Variants in ITGA6 observed in about 807,000 individuals in gnomAD.
The protein encoded by ITGA6 is integrin subunit alpha 6.
In ITGA6, 63 loss-of-function variants were observed where a neutral mutation model predicts 133.6. The observed-to-expected ratio is 0.47, with a 90% CI of 0.38 to 0.58. ITGA6 has a LOEUF of 0.58. ITGA6 is among the 20% of genes least tolerant of loss of function. The probability of loss-of-function intolerance (pLI) is 0.00; values close to 1 mark genes in which losing one functional copy is unlikely to be tolerated. For synonymous variants in ITGA6, 434 were observed against 482.0 expected (o/e 0.90, Z 1.30); for missense variants, 1,068 against 1,309.4 (o/e 0.82, Z 2.85).
intron 1 of ITGA6, among the ~76,000 whole-genome samples, chr2:172,429,806 A>G (rs1255858509): frequency 6.6e-6 from 1 of 152,162 alleles, no homozygotes; most frequent in Non-Finnish European, 1.5e-5. Flanking sequence ...AAAGGCAGTG[A>G]CCACACTTTA....
intron 1 of ITGA6, among the ~76,000 whole-genome samples, chr2:172,457,740 G>T (rs1685269729): frequency 6.6e-6 from 1 of 152,146 alleles, no homozygotes; most frequent in Non-Finnish European, 1.5e-5. Context: ...CTGGGGAAAG[G>T]CATCCCCCTT....
intron 5 of ITGA6, among the ~76,000 whole-genome samples, chr2:172,471,649 C>T (rs951649795): frequency 2.6e-5 from 4 of 152,130 alleles, no homozygotes; most frequent in Admixed American, 6.5e-5. Context: ...AGCTTCCCAG[C>T]GGAGGTTGAG....
At chr2:172,480,778 T>C (rs1450954538) in intron 11 of ITGA6, 1 of 152,356 alleles carries the variant, frequency 6.6e-6, no homozygotes, top group Non-Finnish European at 1.5e-5. Flanking sequence ...CTTCCTTTTT[T>C]TGTAATTCAA....
intron 4 of ITGA6, among the ~76,000 whole-genome samples, chr2:172,470,644 TA>T (rs1345049901): frequency 1.3e-5 from 2 of 152,208 alleles, no homozygotes; most frequent in African/African-American, 4.8e-5. Flanking sequence ...GTAAAATATA[TA>T]TATCAAGTTC....
At position 172,474,108 on chromosome 2, in the gene ITGA6, G is replaced by A. The variant is rs771576686; in HGVS notation, c.829G>A (p.Val277Ile). 3.1e-6 allele frequency: 5 copies of A among 1,613,918 alleles called. No homozygotes were observed. Among genetic ancestry groups the A allele is most frequent in the South Asian group, 1.1e-5 (1 of 91,068 alleles). The change falls in exon 6 of 26, where the codon GTA becomes ATA. Residue 277 changes from valine to isoleucine, a missense_variant. Around this residue, in one of 3 missense-constraint regions of ITGA6, gnomAD observed 317 missense variants for 456.9 expected, o/e 0.69. Transcript: ENST00000684293. ...TGTTTCTAAAGATGAGATCACTTTT[G>A]TATCTGGTGCTCCCAGAGCCAATCA... ...GIVSKDEITF[V>I]SGAPRANHSG...
intron 1 of ITGA6, among the ~76,000 whole-genome samples, chr2:172,450,590 C>G (rs1249732110): frequency 6.6e-6 from 1 of 151,978 alleles, no homozygotes; most frequent in African/African-American, 2.4e-5. Flanking sequence ...GATATAAGGG[C>G]AAGTGAAGAA....
At chr2:172,431,111 G>C (rs1326157419) in intron 1 of ITGA6, among the ~76,000 whole-genome samples, 1 of 152,122 alleles carries the variant, frequency 6.6e-6, no homozygotes, top group Non-Finnish European at 1.5e-5. Flanking sequence ...AAATGCTCCA[G>C]GCCCGCGGTC....
intron 10 of ITGA6, 45 bp downstream of exon 10, chr2:172,479,784 C>G (rs1287378767): frequency 6.6e-7 from 1 of 1,519,874 alleles, no homozygotes; most frequent in Non-Finnish European, 9.1e-7. Flanking sequence ...AGTTTCCCAC[C>G]TCCACTTCAT....
At chr2:172,492,092 A>AACTGAACTG (rs1686951989) in intron 23 of ITGA6, among the ~76,000 whole-genome samples, 1 of 152,216 alleles carries the variant, frequency 6.6e-6, no homozygotes, top group Non-Finnish European at 1.5e-5. Context: ...CATTGGGCAC[A>AACTGAACTG]GCTGAACTGG....
At position 172,501,829 on chromosome 2, in the gene ITGA6, G is replaced by T; in HGVS notation, c.3172G>T (p.Glu1058Ter). Residue 1058 changes from glutamate to a stop codon, truncating the protein, a stop_gained, in exon 25 of 26, where the codon GAG becomes TAG. Coordinates refer to ENST00000684293, the MANE Select transcript of ITGA6 (RefSeq NM_000210.4). LOFTEE classifies it high-confidence loss of function. ...TTATGATGCCACATATCACAAGGCT[G>T]AGATCCATGCTCAGCCATCTGATAA... is the stretch of plus-strand genomic sequence containing the variant. ...DHYDATYHKA[E>*]IHAQPSDKER... 1.2e-6 allele frequency: 2 copies of T among 1,612,156 alleles called. No homozygotes were observed. Among genetic ancestry groups the T allele is most frequent in the Non-Finnish European group, 1.7e-6 (2 of 1,178,754 alleles).
chr2:172,445,661 A>G (rs986597039), intron 1 of ITGA6, among the ~76,000 whole-genome samples: 3 of 151,182 alleles, frequency 2.0e-5, no homozygotes, highest in Admixed American at 6.6e-5. Context: ...TTAAAAAAAA[A>G]AAAAAGAAAA....
chr2:172,450,894 AATAT>A (rs913762272), intron 1 of ITGA6, among the ~76,000 whole-genome samples: 1 of 146,984 alleles, frequency 6.8e-6, no homozygotes, highest in Non-Finnish European at 1.5e-5. Flanking sequence ...TTTATATACA[AATAT>A]ATATTTATAT....
At chr2:172,481,091 G>C (rs1686422848) in intron 11 of ITGA6, 2 of 152,170 alleles carry the variant, frequency 1.3e-5, no homozygotes, top group African/African-American at 4.8e-5. Flanking sequence ...GGCAGTTTGG[G>C]ATTCTAGTGT....
At chr2:172,501,345 G>C (rs1687339802) in intron 24 of ITGA6, among the ~76,000 whole-genome samples, 1 of 152,064 alleles carries the variant, frequency 6.6e-6, no homozygotes, top group Non-Finnish European at 1.5e-5. Flanking sequence ...TATTTTATTT[G>C]GATTTGTGCT....
intron 25 of ITGA6, chr2:172,503,876 CT>C (rs1687450327): frequency 2.8e-6 from 1 of 355,094 alleles, no homozygotes; most frequent in Non-Finnish European, 5.1e-6. Flanking sequence ...TGAAAATGGA[CT>C]TTTCTTCCAG....
At chr2:172,453,355 C>A (rs1007801708) in intron 1 of ITGA6, among the ~76,000 whole-genome samples, 1 of 151,960 alleles carries the variant, frequency 6.6e-6, no homozygotes, top group Non-Finnish European at 1.5e-5. Context: ...TGTAGAACCC[C>A]GTCTCTACTA....
intron 24 of ITGA6, among the ~76,000 whole-genome samples, chr2:172,500,366 A>C (rs1574420072): frequency 6.6e-6 from 1 of 152,272 alleles, no homozygotes; most frequent in East Asian, 1.9e-4. Flanking sequence ...TAATCCCAGC[A>C]CTTTGGGAGG....
chr2:172,474,094 A>G lies in ITGA6; in HGVS notation c.815A>G (p.Asp272Gly). The G allele has an allele frequency of 6.2e-7, 1 of 1,613,778 alleles. No individual in the cohort carries two copies. The highest frequency in any genetic ancestry group is 8.5e-7 in the Non-Finnish European group (1 of 1,180,006). ...LDSGKGIVSK[D>G]EITFVSGAPR... is the part of the protein sequence containing the mutation. ...TCAGGGAAAGGTATTGTTTCTAAAG[A>G]TGAGATCACTTTTGTATCTGGTGCT... Residue 272 changes from aspartate (D) to glycine (G), a missense_variant, in exon 6 of 26, where the codon GAT (aspartate) becomes GGT (glycine). Asp to Gly is a moderately conservative substitution (Grantham distance 94). Coordinates refer to ENST00000684293, the MANE Select transcript of ITGA6 (RefSeq NM_000210.4).
At chr2:172,437,124 T>C (rs777069449) in intron 1 of ITGA6, among the ~76,000 whole-genome samples, 54 of 152,204 alleles carry the variant, frequency 3.5e-4, no homozygotes, top group Admixed American at 3.4e-3. Context: ...GCAGATTGTA[T>C]AGGGCCTTAT....
Sources: allele counts gnomAD v4.1 joint callset (sites outside exome capture counted in the v4.1 genomes callset), GRCh38; gene constraint gnomAD v4.1.1; regional missense constraint gnomAD v4.1.1; transcripts MANE v1.5; gene names NCBI Gene and HGNC (gene_info 2026-07-23, HGNC 2026-07-21).